MROH2A: variants seen among roughly 807,000 people sequenced by gnomAD.
MROH2A encodes the protein maestro heat like repeat family member 2A.
Under a neutral mutation model 200.4 loss-of-function variants are expected in MROH2A, and 174 were observed. The observed-to-expected ratio is 0.87, with a 90% CI of 0.77 to 0.98. The LOEUF (loss-of-function observed/expected upper bound fraction) is 0.98, where lower values mean the gene tolerates loss of function less well. Among genes scored for constraint, MROH2A ranks in the 50% least tolerant of loss-of-function variants. MROH2A has a pLI of 0.00. For synonymous variants in MROH2A, 829 were observed against 840.4 expected (o/e 0.99, Z 0.23); for missense variants, 2,045 against 2,139.6 (o/e 0.96, Z 0.87).
At position 233,801,691 on chromosome 2, in the gene MROH2A, G is replaced by A. The variant is rs184550621; in HGVS notation, c.1561-477G>A. On this transcript the variant is annotated intron_variant, in intron 14 of 41. Transcript: ENST00000389758. ...TCTCTTTTATGGATTATGCACTTTC[G>A]TCACACCTACAAGCTACCTTCACAA... 3.9e-3 allele frequency among the ~76,000 whole-genome samples: 598 copies of A among 152,218 alleles called. 4 individuals are homozygous for A. Among genetic ancestry groups the A allele is most frequent in the Middle Eastern group, 6.8e-3 (2 of 294 alleles).
intron 19 of MROH2A, among the ~76,000 whole-genome samples, chr2:233,806,998 C>T (rs1360291051): frequency 6.6e-6 from 1 of 152,076 alleles, no homozygotes; most frequent in Admixed American, 6.5e-5. Context: ...TATGCCTTAG[C>T]ATCCTCATAG....
At chr2:233,799,057 G>T (rs1702292921) in intron 12 of MROH2A, among the ~76,000 whole-genome samples, 1 of 152,188 alleles carries the variant, frequency 6.6e-6, no homozygotes, top group South Asian at 2.1e-4. Flanking sequence ...TAGAGTTTTT[G>T]AGTGGTGTGT....
rs1002020203 is a variant in MROH2A at position 233,805,003 on chromosome 2, G to GT, written c.1947dup (p.Leu650SerfsTer12). 6.5e-7 allele frequency: 1 copy of GT among 1,547,910 alleles called. No individual in the cohort carries two copies. Among genetic ancestry groups the GT allele is most frequent in the Non-Finnish European group, 8.7e-7 (1 of 1,145,010 alleles). On this transcript the variant is annotated frameshift_variant and splice_region_variant. Coordinates refer to ENST00000389758, the MANE Select transcript of MROH2A (RefSeq NM_001394639.1). LOFTEE classifies it high-confidence loss of function. ...CTCACCAACGTCTTGTGCCTCCCCAGTTTCTGCGAAACTCCCTCAAGAAGA... is the reference window on the plus strand; with the variant it reads ...CTCACCAACGTCTTGTGCCTCCCCAGTTTTCTGCGAAACTCCCTCAAGAAGA...
chr2:233,828,544 C>A lies in MROH2A; in HGVS notation c.4114-86C>A. On this transcript the variant is annotated intron_variant, in intron 35 of 41. Transcript: ENST00000389758. This position sits in a 1 kb window ranked among gnomAD's most constrained non-coding sequence, Gnocchi z 4.6. ...CCCTCCTGTCCACAGAGCCACCAAT[C>A]TGCATTACCTCTCCTCCCACGTCCC... 1.4e-6 allele frequency: 2 copies of A among 1,473,086 alleles called. No homozygotes were observed. Among genetic ancestry groups the A allele is most frequent in the East Asian group, 2.5e-5 (1 of 40,138 alleles). 91.3% of individuals were successfully genotyped at this position (1,473,086 alleles called of 1,614,324 possible). A position where few individuals can be genotyped will look rare whatever the true frequency, so the allele number is the denominator to read the frequency against.
At chr2:233,812,674 A>G (rs956420798) in intron 24 of MROH2A, among the ~76,000 whole-genome samples, 3 of 152,244 alleles carry the variant, frequency 2.0e-5, no homozygotes, top group Non-Finnish European at 4.4e-5. Flanking sequence ...TAAGACAGAC[A>G]CATACAAACA....
At chr2:233,792,921 T>C in intron 6 of MROH2A, 27 bp downstream of exon 6, 2 of 1,549,500 alleles carry the variant, frequency 1.3e-6, no homozygotes, top group Non-Finnish European at 1.7e-6. Context: ...AGCCTGCAGG[T>C]CTGGCTCGAT....
intron 29 of MROH2A, 100 bp from the exon 30 acceptor site, chr2:233,819,217 G>A (rs1703763145): frequency 8.2e-7 from 1 of 1,220,714 alleles, no homozygotes; most frequent in Admixed American, 2.3e-5. Context: ...GAGAGGATAG[G>A]AGCCTGGAGT....
chr2:233,801,681 A>G (rs1702481321), intron 14 of MROH2A, among the ~76,000 whole-genome samples: 1 of 152,166 alleles, frequency 6.6e-6, no homozygotes, highest in South Asian at 2.1e-4. Flanking sequence ...TTTATGGATT[A>G]TGCACTTTCG....
chr2:233,796,635 A>G lies in MROH2A; in HGVS notation c.1252+322A>G, dbSNP rs1293658083. 1.1e-4 allele frequency among the ~76,000 whole-genome samples: 16 copies of G among 152,150 alleles called. No individual in the cohort carries two copies. In the East Asian group the frequency reaches 2.9e-3, roughly 27 times the overall value. On this transcript the variant is annotated intron_variant, in intron 11 of 41. Transcript: ENST00000389758. ...ATAACTCTGAAGCCCCGTGGACTCA[A>G]TGCTCAACCATAGTCTACACATCTG...
At chr2:233,783,714 T>A (rs1701060417) in intron 3 of MROH2A, among the ~76,000 whole-genome samples, 1 of 151,994 alleles carries the variant, frequency 6.6e-6, no homozygotes, top group Non-Finnish European at 1.5e-5. Context: ...CCCGGCTAAT[T>A]TTTGTATTTT....
At chr2:233,826,755 C>G (rs1364899851) in intron 35 of MROH2A, among the ~76,000 whole-genome samples, 1 of 152,050 alleles carries the variant, frequency 6.6e-6, no homozygotes, top group Non-Finnish European at 1.5e-5. Flanking sequence ...TTCTGCACAG[C>G]AAAAGAGACT....
chr2:233,813,271 AGCT>A (rs895511669), intron 24 of MROH2A, among the ~76,000 whole-genome samples: 3 of 151,858 alleles, frequency 2.0e-5, no homozygotes, highest in Admixed American at 6.6e-5. Flanking sequence ...TCCAAGGTGA[AGCT>A]GCTGCTGCTG....
At chr2:233,793,000 T>C in intron 6 of MROH2A, 106 bp downstream of exon 6, 1 of 1,077,030 alleles carries the variant, frequency 9.3e-7, no homozygotes, top group Non-Finnish European at 1.3e-6. Flanking sequence ...GGTGCACTGT[T>C]CACTTGTTCT....
rs956818290 is a variant in MROH2A at position 233,798,973 on chromosome 2, G to A, written c.1329+123G>A. ...AAAACCCGGCTTTCCATCGGGTCTC[G>A]ACTGGGGCTGCAGAATGGTGAGGCC... On this transcript the variant is annotated intron_variant, in intron 12 of 41. Transcript: ENST00000389758. 1.6e-5 allele frequency: 12 copies of A among 747,638 alleles called. No homozygotes were observed. In the African/African-American group the frequency reaches 1.9e-4, roughly 12 times the overall value. The allele number at this position is 747,638 out of a possible 1,614,324, so 46.3% of individuals were successfully genotyped here.
intron 30 of MROH2A, 27 bp downstream of exon 30, chr2:233,819,496 G>A (rs1703786788): frequency 6.5e-6 from 10 of 1,546,654 alleles, no homozygotes; most frequent in Non-Finnish European, 7.9e-6. Context: ...AGGGCCACCA[G>A]AGAGAGGGGC....
intron 27 of MROH2A, 83 bp from the exon 28 acceptor site, chr2:233,817,919 G>T: frequency 6.6e-7 from 1 of 1,508,590 alleles, no homozygotes; most frequent in Non-Finnish European, 8.9e-7. Context: ...GCCCTATCAA[G>T]TTGTCCTTTA....
Position 233,793,675 on chromosome 2 carries a change from A to G in MROH2A, c.673A>G (p.Met225Val), listed in dbSNP as rs529610939. The change falls in exon 7 of 42, where the codon ATG (methionine) becomes GTG (valine). Residue 225 changes from methionine to valine, a missense_variant and splice_region_variant. Around this residue, in one of 3 missense-constraint regions of MROH2A, gnomAD observed 831 missense variants for 800.0 expected, o/e 1.04. Coordinates refer to ENST00000389758, the MANE Select transcript of MROH2A (RefSeq NM_001394639.1). ...CATTCCCCTGTTGCTGTTGGTAGCC[A>G]TGGAGACCTTCTGTGAGACGGTGCA... Reference protein sequence around the residue: ...AKIRQAICSAMETFCETVQFY... With the variant: ...AKIRQAICSAVETFCETVQFY... 13 of 1,400,682 alleles carry G rather than the reference A, an allele frequency of 9.3e-6. No individual in the cohort carries two copies. In the East Asian group the frequency reaches 2.1e-4, roughly 22 times the overall value. The allele number at this position is 1,400,682 out of a possible 1,614,324, so 86.8% of individuals were successfully genotyped here. A position where few individuals can be genotyped will look rare whatever the true frequency, so the allele number is the denominator to read the frequency against.
At chr2:233,810,467 C>G (rs1703084606) in intron 22 of MROH2A, among the ~76,000 whole-genome samples, 1 of 152,184 alleles carries the variant, frequency 6.6e-6, no homozygotes, top group African/African-American at 2.4e-5. Flanking sequence ...CAATTACCAC[C>G]CGCTGGGTCC....
intron 3 of MROH2A, among the ~76,000 whole-genome samples, chr2:233,788,545 G>A (rs1476499784): frequency 6.6e-6 from 1 of 152,084 alleles, no homozygotes; most frequent in East Asian, 1.9e-4. Flanking sequence ...ATTCTGGACT[G>A]TTGGGAGTGA....
Sources: gnomAD v4.1 joint callset for allele counts (sites outside exome capture counted in the v4.1 genomes callset) on GRCh38, gnomAD v4.1.1 for gene constraint, gnomAD v4.1.1 regional missense constraint, Gnocchi (gnomAD v3.1) non-coding constraint, MANE v1.5 for transcripts, NCBI Gene and HGNC (gene_info 2026-07-23, HGNC 2026-07-21) for gene names.